The following PTPRD variants were observed in gnomAD, a reference collection of about 807,000 sequenced individuals.
PTPRD encodes the protein protein tyrosine phosphatase receptor type D.
A neutral mutation model predicts 214.5 loss-of-function variants in PTPRD; 34 were observed. The observed-to-expected ratio is 0.16, with a 90% CI of 0.12 to 0.21. PTPRD has a LOEUF of 0.21. PTPRD is among the 10% of genes least tolerant of loss of function. The probability of loss-of-function intolerance (pLI) is 1.00; values close to 1 mark genes in which losing one functional copy is unlikely to be tolerated. For missense variants in PTPRD, 2,545 were observed against 2,398.7 expected (o/e 1.06, Z -1.27); for synonymous variants, 1,128 against 845.7 (o/e 1.33, Z -5.79).
intron 11 of PTPRD, among the ~76,000 whole-genome samples, chr9:8,892,525 GTGTGTGTATATATA>G (rs1350096855): frequency 1.3e-5 from 2 of 149,768 alleles, no homozygotes; most frequent in South Asian, 2.1e-4. Flanking sequence ...ATATATATAT[GTGTGTGTATATATA>G]TGTGTGTATA....
At chr9:10,394,102 CTA>C (rs1455068191) in intron 2 of PTPRD, among the ~76,000 whole-genome samples, 2 of 140,334 alleles carry the variant, frequency 1.4e-5, no homozygotes, top group Non-Finnish European at 3.1e-5. Flanking sequence ...CTATCTCTCT[CTA>C]TATATGGAGA....
chr9:10,044,671 A>T (rs2097357457), intron 3 of PTPRD, among the ~76,000 whole-genome samples: 1 of 151,806 alleles, frequency 6.6e-6, no homozygotes, highest in Admixed American at 6.6e-5. Flanking sequence ...CTAAGAAATT[A>T]AAGCTCAGGG....
intron 11 of PTPRD, among the ~76,000 whole-genome samples, chr9:8,836,047 G>C (rs139994306): frequency 6.6e-6 from 1 of 152,068 alleles, no homozygotes; most frequent in Non-Finnish European, 1.5e-5. Flanking sequence ...CATATATACC[G>C]GTTTAATTAA....
chr9:9,724,625 C>T (rs894103710), intron 7 of PTPRD, among the ~76,000 whole-genome samples: 6 of 152,128 alleles, frequency 3.9e-5, no homozygotes, highest in Non-Finnish European at 8.8e-5. Context: ...GAAAGTATTT[C>T]TGATCCAGTT....
At chr9:10,547,713 A>G (rs2060459802) in intron 2 of PTPRD, among the ~76,000 whole-genome samples, 1 of 152,008 alleles carries the variant, frequency 6.6e-6, no homozygotes, top group African/African-American at 2.4e-5. Flanking sequence ...ATATATATAT[A>G]TAAGTGTACA....
intron 7 of PTPRD, among the ~76,000 whole-genome samples, chr9:9,575,565 G>A (rs959793820): frequency 2.6e-5 from 4 of 150,964 alleles, no homozygotes; most frequent in Admixed American, 1.3e-4. Context: ...CTAAAAAATA[G>A]AAATATTAGC....
At chr9:10,496,975 G>T (rs1589453555) in intron 2 of PTPRD, among the ~76,000 whole-genome samples, 1 of 152,082 alleles carries the variant, frequency 6.6e-6, no homozygotes, top group South Asian at 2.1e-4. Context: ...CCATAAAAAA[G>T]AATGGAATAA....
chr9:9,430,819 A>G (rs574872810), intron 8 of PTPRD, among the ~76,000 whole-genome samples: 1 of 152,362 alleles, frequency 6.6e-6, no homozygotes, highest in South Asian at 2.1e-4. Context: ...TCCCTGTTTA[A>G]TAAATGGTTC....
intron 3 of PTPRD, among the ~76,000 whole-genome samples, chr9:10,328,973 A>G (rs146059798): frequency 6.6e-6 from 1 of 151,824 alleles, no homozygotes; most frequent in East Asian, 2.0e-4. Context: ...TATATACTGT[A>G]TCAGCTCTTC....
intron 9 of PTPRD, among the ~76,000 whole-genome samples, chr9:9,379,230 T>A (rs577424692): frequency 3.0e-4 from 44 of 145,910 alleles, no homozygotes; most frequent in Middle Eastern, 3.6e-3. Flanking sequence ...TTGATATATT[T>A]TATATATATA....
At chr9:8,952,201 T>G (rs368315150) in intron 11 of PTPRD, among the ~76,000 whole-genome samples, 33 of 152,112 alleles carry the variant, frequency 2.2e-4, no homozygotes, top group African/African-American at 7.0e-4. Flanking sequence ...TTTTGTTCAC[T>G]TCTACACATT....
At chr9:10,383,213 C>T (rs2097854108) in intron 2 of PTPRD, among the ~76,000 whole-genome samples, 1 of 151,856 alleles carries the variant, frequency 6.6e-6, no homozygotes, top group Non-Finnish European at 1.5e-5. Context: ...ACCTTCTGTT[C>T]AGTTATTACA....
intron 9 of PTPRD, among the ~76,000 whole-genome samples, chr9:9,283,891 A>C (rs1308920272): frequency 6.6e-6 from 1 of 151,646 alleles, no homozygotes; most frequent in Non-Finnish European, 1.5e-5. Context: ...AGGAAAACTA[A>C]TAATCAAGAA....
chr9:9,985,938 T>C (rs1238182067), intron 4 of PTPRD, among the ~76,000 whole-genome samples: 1 of 152,104 alleles, frequency 6.6e-6, no homozygotes, highest in Non-Finnish European at 1.5e-5. Context: ...AGTTGAAAAC[T>C]CTGAAAATAA....
At chr9:9,161,361 G>C (rs958112083) in intron 10 of PTPRD, among the ~76,000 whole-genome samples, 1 of 152,054 alleles carries the variant, frequency 6.6e-6, no homozygotes, top group African/African-American at 2.4e-5. Context: ...TTAGTGGTCA[G>C]GAGATAAAAT....
intron 8 of PTPRD, among the ~76,000 whole-genome samples, chr9:9,449,726 C>A (rs1451804166): frequency 2.0e-5 from 3 of 151,640 alleles, no homozygotes; most frequent in African/African-American, 7.3e-5. Context: ...TATCTTATAG[C>A]AGTCATTCTT....
intron 34 of PTPRD, among the ~76,000 whole-genome samples, chr9:8,446,325 G>T (rs2133232473): frequency 6.6e-6 from 1 of 152,234 alleles, no homozygotes; most frequent in East Asian, 1.9e-4. Flanking sequence ...TTCTCCAAAA[G>T]AATAAATAAC....
At chr9:9,510,234 T>C (rs2096667813) in intron 8 of PTPRD, among the ~76,000 whole-genome samples, 1 of 151,740 alleles carries the variant, frequency 6.6e-6, no homozygotes. Flanking sequence ...AACATGATCC[T>C]ACATTAAAGT....
chr9:9,329,606 C>T (rs2136442924), intron 9 of PTPRD, among the ~76,000 whole-genome samples: 1 of 152,230 alleles, frequency 6.6e-6, no homozygotes, highest in East Asian at 1.9e-4. Context: ...ACAGAAAAAC[C>T]TTCTATCTTC....
Sources: gnomAD v4.1 joint callset for allele counts (sites outside exome capture counted in the v4.1 genomes callset) on GRCh38, gnomAD v4.1.1 for gene constraint, MANE v1.5 for transcripts, NCBI Gene and HGNC (gene_info 2026-07-23, HGNC 2026-07-21) for gene names.